CHODL: variants seen among roughly 807,000 people sequenced by gnomAD.
CHODL encodes chondrolectin, also known as transmembrane protein MT75.
A neutral mutation model predicts 34.5 loss-of-function variants in CHODL; 29 were observed. The ratio of observed to expected loss-of-function variants is 0.84; its 90% CI spans 0.63 to 1.15. The LOEUF is 1.15. CHODL is among the 50% of genes most tolerant of loss of function. The probability of loss-of-function intolerance (pLI) is 0.00; values close to 1 mark genes in which losing one functional copy is unlikely to be tolerated. For synonymous variants in CHODL, 125 were observed against 116.1 expected (o/e 1.08, Z -0.49); for missense variants, 332 against 332.5 (o/e 1.00, Z 0.01).
At chr21:18,225,230 G>C (rs2073920605) in intron 2 of CHODL, among the ~76,000 whole-genome samples, 1 of 152,122 alleles carries the variant, frequency 6.6e-6, no homozygotes, top group African/African-American at 2.4e-5. Context: ...CAATTGTTAA[G>C]AGGTGATATA....
intron 2 of CHODL, among the ~76,000 whole-genome samples, chr21:18,090,205 A>G (rs192427434): frequency 1.8e-4 from 28 of 152,366 alleles, no homozygotes; most frequent in Admixed American, 1.4e-3. Context: ...AGACAAAAAC[A>G]TAAAACATGG....
At chr21:18,175,972 A>C (rs914770665) in intron 2 of CHODL, among the ~76,000 whole-genome samples, 4 of 152,214 alleles carry the variant, frequency 2.6e-5, no homozygotes, top group African/African-American at 7.2e-5. Context: ...TCAGTTTTAC[A>C]AATACTAATT....
rs752640406 is a variant in CHODL at position 18,232,941 on chromosome 21, T to TTATATATATATATATATATATATATATA, written c.-44-23568_-44-23567insTATATATATATATATATATATATATATA. Among the ~76,000 whole-genome samples, 38 of 97,588 alleles carry TTATATATATATATATATATATATATATA rather than the reference T, an allele frequency of 3.9e-4. 1 individual carries two copies. The highest frequency in any genetic ancestry group is 9.6e-4 in the African/African-American group (18 of 18,768). The allele number at this position is 97,588 out of a possible 152,430, so 64.0% of individuals were successfully genotyped here. ...TAATTATGGGGTCCACATGATGTTA[T>TTATATATATATATATATATATATATATA]GATATATATATATATATATATATAT... is the stretch of plus-strand genomic sequence containing the variant. On this transcript the variant is annotated intron_variant, in intron 2 of 6. Coordinates refer to the CHODL transcript ENST00000400127.
chr21:18,194,470 G>A (rs1042653165), intron 2 of CHODL, among the ~76,000 whole-genome samples: 9 of 151,830 alleles, frequency 5.9e-5, no homozygotes, highest in South Asian at 2.1e-4. Context: ...GAGATGTCTC[G>A]CTCCTGATTT....
At chr21:17,978,744 A>C (rs2063690655) in intron 1 of CHODL, among the ~76,000 whole-genome samples, 2 of 148,996 alleles carry the variant, frequency 1.3e-5, no homozygotes, top group South Asian at 2.1e-4. Context: ...AAAAAAAAAA[A>C]AACAAACAAA....
chr21:18,213,524 C>T (rs1473478280), intron 2 of CHODL, among the ~76,000 whole-genome samples: 1 of 151,896 alleles, frequency 6.6e-6, no homozygotes, highest in Admixed American at 6.6e-5. Context: ...TAGTCATTCA[C>T]TGGGAATGAA....
intron 2 of CHODL, among the ~76,000 whole-genome samples, chr21:18,085,174 C>T (rs991399866): frequency 6.6e-6 from 1 of 151,530 alleles, no homozygotes; most frequent in African/African-American, 2.4e-5. Flanking sequence ...TTATATGTGT[C>T]TTTACAGGTA....
At chr21:17,939,053 G>T (rs2063343097) in intron 1 of CHODL, among the ~76,000 whole-genome samples, 1 of 152,134 alleles carries the variant, frequency 6.6e-6, no homozygotes. Flanking sequence ...TAAAATTGAA[G>T]ATTTAAAATT....
chr21:18,166,046 G>C (rs369285198), intron 2 of CHODL, among the ~76,000 whole-genome samples: 1 of 152,140 alleles, frequency 6.6e-6, no homozygotes, highest in African/African-American at 2.4e-5. Flanking sequence ...TCAGGGTTTC[G>C]TAAAGCTGGA....
chr21:18,160,176 A>G (rs2073079068), intron 2 of CHODL, among the ~76,000 whole-genome samples: 1 of 152,190 alleles, frequency 6.6e-6, no homozygotes, highest in Non-Finnish European at 1.5e-5. Flanking sequence ...ATGGGAAATT[A>G]ATGTCTGGAG....
At chr21:18,102,137 CTATTCTA>C (rs1156999086) in intron 2 of CHODL, among the ~76,000 whole-genome samples, 2 of 152,138 alleles carry the variant, frequency 1.3e-5, no homozygotes, top group Non-Finnish European at 1.5e-5. Flanking sequence ...CCACATCATC[CTATTCTA>C]TATCCATAGG....
chr21:17,937,023 G>A (rs780447150), intron 1 of CHODL, among the ~76,000 whole-genome samples: 2 of 147,604 alleles, frequency 1.4e-5, no homozygotes, highest in Admixed American at 6.9e-5. Context: ...GCAGTGAGCC[G>A]AGATCCTGAG....
intron 1 of CHODL, among the ~76,000 whole-genome samples, chr21:18,005,328 T>C (rs894389628): frequency 6.6e-6 from 1 of 152,242 alleles, no homozygotes; most frequent in African/African-American, 2.4e-5. Flanking sequence ...TATGAGGCAC[T>C]CTAGAATTGT....
At chr21:18,229,694 G>A (rs1169644695) in intron 2 of CHODL, among the ~76,000 whole-genome samples, 3 of 151,912 alleles carry the variant, frequency 2.0e-5, no homozygotes, top group Non-Finnish European at 1.5e-5. Flanking sequence ...TTGTTTTCTG[G>A]GCAACAAATA....
intron 5 of CHODL, among the ~76,000 whole-genome samples, chr21:18,264,085 A>C (rs2074416869): frequency 6.6e-6 from 1 of 152,146 alleles, no homozygotes; most frequent in Non-Finnish European, 1.5e-5. Flanking sequence ...GCTAAATCTA[A>C]GTGAATTAAG....
At chr21:18,077,333 C>T (rs2064878329) in intron 2 of CHODL, among the ~76,000 whole-genome samples, 1 of 152,094 alleles carries the variant, frequency 6.6e-6, no homozygotes, top group Non-Finnish European at 1.5e-5. Flanking sequence ...AAGTCTCACC[C>T]ATATCTGATT....
chr21:18,047,489 C>A (rs967965804), intron 2 of CHODL, among the ~76,000 whole-genome samples: 1 of 151,724 alleles, frequency 6.6e-6, no homozygotes, highest in Non-Finnish European at 1.5e-5. Flanking sequence ...TGGCTTGTAA[C>A]TGTATATGCT....
intron 1 of CHODL, among the ~76,000 whole-genome samples, chr21:17,938,549 G>A (rs2063337375): frequency 8.0e-6 from 1 of 125,220 alleles, no homozygotes; most frequent in African/African-American, 3.0e-5. Context: ...CTCGATCTCG[G>A]CTCACTGCAA....
chr21:18,197,504 T>A (rs998379372), intron 2 of CHODL, among the ~76,000 whole-genome samples: 19 of 152,140 alleles, frequency 1.2e-4, no homozygotes, highest in African/African-American at 4.1e-4. Context: ...TAATCCCAAC[T>A]AATCTGGAGG....
Sources: gnomAD v4.1 joint callset for allele counts (sites outside exome capture counted in the v4.1 genomes callset) on GRCh38, gnomAD v4.1.1 for gene constraint, MANE v1.5 for transcripts, NCBI Gene and HGNC (gene_info 2026-07-23, HGNC 2026-07-21) for gene names.